Variants in NOVA1 observed in about 807,000 individuals in gnomAD.
NOVA1 encodes the protein RNA-binding protein Nova-1.
In NOVA1, 7 loss-of-function variants were observed where a neutral mutation model predicts 38.0. The observed-to-expected ratio is 0.18, with a 90% CI of 0.10 to 0.35. The LOEUF is 0.35. Among genes scored for constraint, NOVA1 ranks in the 10% least tolerant of loss-of-function variants. The probability of loss-of-function intolerance (pLI) is 1.00; values close to 1 mark genes in which losing one functional copy is unlikely to be tolerated. For synonymous variants in NOVA1, 270 were observed against 232.5 expected, an observed-to-expected ratio of 1.16 and a Z score of -1.47; for missense variants, 460 against 616.0, an observed-to-expected ratio of 0.75 and a Z score of 2.68.
chr14:26,480,214 TATC>T (rs1025069209), intron 2 of NOVA1, 71 bp from the exon 3 acceptor site: 144 of 1,354,094 alleles, frequency 1.1e-4, no homozygotes, highest in Non-Finnish European at 1.4e-4. Flanking sequence ...AAAAGGATGA[TATC>T]ATAACGCCAA....
chr14:26,543,930 A>G (rs907164768), intron 2 of NOVA1, among the ~76,000 whole-genome samples: 3 of 151,404 alleles, frequency 2.0e-5, no homozygotes, highest in African/African-American at 7.2e-5. Flanking sequence ...GAGGGAAGGC[A>G]GCTTATAGAT....
chr14:26,574,932 G>C (rs1892740697), intron 2 of NOVA1, among the ~76,000 whole-genome samples: 1 of 152,092 alleles, frequency 6.6e-6, no homozygotes, highest in Non-Finnish European at 1.5e-5. Context: ...CCAAAGTGCT[G>C]GGATTACAGG....
chr14:26,470,031 C>T (rs547393669), intron 4 of NOVA1: 58 of 269,826 alleles, frequency 2.1e-4, no homozygotes, highest in African/African-American at 1.1e-3. Context: ...AAGTAAAATT[C>T]GGTATGTACT....
chr14:26,452,280 T>C (rs1402733870), intron 4 of NOVA1, among the ~76,000 whole-genome samples: 1 of 152,124 alleles, frequency 6.6e-6, no homozygotes, highest in Admixed American at 6.6e-5. Context: ...ACAGACTCTC[T>C]GAAAAGAAGT....
In NOVA1 at chr14:26,580,381, A is replaced by G. The variant is rs189479119; in HGVS notation, c.280+15029T>C. Among the ~76,000 whole-genome samples the G allele has an allele frequency of 3.3e-3, 502 of 152,250 alleles. 1 individual carries two copies. Among genetic ancestry groups the G allele is most frequent in the Non-Finnish European group, 5.8e-3 (393 of 67,964 alleles). Reference sequence around the variant, plus strand: ...AATTTTAATGAGTTATAAAACAAATAAATCCATATGTTTCACATGAGATTA... The same window carrying G: ...AATTTTAATGAGTTATAAAACAAATGAATCCATATGTTTCACATGAGATTA... On this transcript the variant is annotated intron_variant, in intron 2 of 4. Coordinates refer to ENST00000539517, the MANE Select transcript of NOVA1 (RefSeq NM_002515.3).
chr14:26,468,068 T>C (rs1480250572), intron 4 of NOVA1, among the ~76,000 whole-genome samples: 1 of 152,132 alleles, frequency 6.6e-6, no homozygotes. Context: ...GATTAAATTA[T>C]GTTGTAGGGT....
At chr14:26,537,342 AT>A (rs902078970) in intron 2 of NOVA1, among the ~76,000 whole-genome samples, 1 of 152,072 alleles carries the variant, frequency 6.6e-6, no homozygotes, top group South Asian at 2.1e-4. Context: ...CTTATGAGCT[AT>A]TTTTTATCTT....
At position 26,534,056 on chromosome 14, in the gene NOVA1, G is replaced by A. The variant is rs534074108; in HGVS notation, c.281-53913C>T. Among the ~76,000 whole-genome samples the A allele has an allele frequency of 2.2e-3, 333 of 152,238 alleles. 1 individual carries two copies. Among genetic ancestry groups the A allele is most frequent in the African/African-American group, 7.2e-3 (299 of 41,548 alleles). ...CTAGTCTATAGAGGAAAAATAGAAT[G>A]TCTTTAAATTCACTTTACTAATAAC... On this transcript the variant is annotated intron_variant, in intron 2 of 4. Coordinates refer to ENST00000539517, the MANE Select transcript of NOVA1 (RefSeq NM_002515.3).
At chr14:26,551,582 A>G (rs1891163147) in intron 2 of NOVA1, among the ~76,000 whole-genome samples, 1 of 152,080 alleles carries the variant, frequency 6.6e-6, no homozygotes, top group Non-Finnish European at 1.5e-5. Context: ...TCAAAAAGCC[A>G]CACTGGTCCC....
chr14:26,529,249 G>A (rs1414004265), intron 2 of NOVA1, among the ~76,000 whole-genome samples: 3 of 151,438 alleles, frequency 2.0e-5, no homozygotes, highest in Non-Finnish European at 2.9e-5. Context: ...GCATTTCTCC[G>A]GCCTCAGCCT....
At chr14:26,457,945 TTAAAAC>T (rs1405689698) in intron 4 of NOVA1, among the ~76,000 whole-genome samples, 2 of 151,910 alleles carry the variant, frequency 1.3e-5, no homozygotes, top group Non-Finnish European at 2.9e-5. Flanking sequence ...TTAAAAAGTT[TTAAAAC>T]TAAAACAAAA....
At chr14:26,550,302 G>C (rs373312764) in intron 2 of NOVA1, among the ~76,000 whole-genome samples, 2 of 151,638 alleles carry the variant, frequency 1.3e-5, no homozygotes, top group African/African-American at 4.8e-5. Flanking sequence ...TATCTAAAAG[G>C]GATTTTTAAA....
chr14:26,540,184 AAAGGAGGTG>A (rs1890373993), intron 2 of NOVA1, among the ~76,000 whole-genome samples: 3 of 152,160 alleles, frequency 2.0e-5, no homozygotes, highest in Non-Finnish European at 4.4e-5. Flanking sequence ...CTGACCACAC[AAAGGAGGTG>A]AGCCACAGGT....
At chr14:26,590,974 T>C (rs1166057112) in intron 2 of NOVA1, among the ~76,000 whole-genome samples, 1 of 151,712 alleles carries the variant, frequency 6.6e-6, no homozygotes, top group Non-Finnish European at 1.5e-5. Flanking sequence ...AAATAAAATG[T>C]ACAGCTAAAA....
chr14:26,455,980 A>G (rs570220897), intron 4 of NOVA1, among the ~76,000 whole-genome samples: 1 of 152,140 alleles, frequency 6.6e-6, no homozygotes, highest in South Asian at 2.1e-4. Context: ...AAGGCTTATA[A>G]GCCTTCATCA....
intron 4 of NOVA1, among the ~76,000 whole-genome samples, chr14:26,449,232 A>G (rs887524610): frequency 1.3e-5 from 2 of 152,166 alleles, no homozygotes; most frequent in African/African-American, 4.8e-5. Flanking sequence ...AACAGAATTT[A>G]TAAGAAATCA....
intron 4 of NOVA1, among the ~76,000 whole-genome samples, chr14:26,453,088 T>G (rs1348521618): frequency 3.3e-5 from 5 of 152,214 alleles, no homozygotes; most frequent in Non-Finnish European, 7.3e-5. Context: ...TCCATAAATT[T>G]GGTCACTATT....
chr14:26,561,534 T>C (rs1240108418), intron 2 of NOVA1, among the ~76,000 whole-genome samples: 4 of 152,142 alleles, frequency 2.6e-5, no homozygotes, highest in Admixed American at 2.6e-4. Flanking sequence ...GATTCAGAAA[T>C]TATATCCTCA....
chr14:26,486,522 A>C (rs951043184), intron 2 of NOVA1, among the ~76,000 whole-genome samples: 1 of 151,796 alleles, frequency 6.6e-6, no homozygotes, highest in African/African-American at 2.4e-5. Flanking sequence ...ATCCTGGCTA[A>C]CACGGTGAAA....
Sources: allele counts gnomAD v4.1 joint callset (sites outside exome capture counted in the v4.1 genomes callset), GRCh38; gene constraint gnomAD v4.1.1; transcripts MANE v1.5; gene names NCBI Gene and HGNC (gene_info 2026-07-23, HGNC 2026-07-21).